The following UBA2 variants were observed in gnomAD, a reference collection of about 807,000 sequenced individuals.
UBA2 encodes SUMO-activating enzyme subunit 2.
UBA2 carries 11 observed loss-of-function variants against 77.2 expected under a neutral mutation model. The ratio of observed to expected loss-of-function variants is 0.14; its 90% CI spans 0.09 to 0.24. The LOEUF (loss-of-function observed/expected upper bound fraction) is 0.24, where lower values mean the gene tolerates loss of function less well. UBA2 is among the 10% of genes least tolerant of loss of function. The pLI, the probability that UBA2 is intolerant of heterozygous loss-of-function variation, is 1.00. For synonymous variants in UBA2, 278 were observed against 276.7 expected (o/e 1.00, Z -0.05); for missense variants, 487 against 781.7 (o/e 0.62, Z 4.50).
chr19:34,433,303 G>A lies in UBA2; in HGVS notation c.294-45G>A, dbSNP rs763663684. 6 of 1,346,484 alleles carry A rather than the reference G, an allele frequency of 4.5e-6. No homozygotes were observed. In the African/African-American group the frequency reaches 8.7e-5, roughly 20 times the overall value. 83.4% of individuals were successfully genotyped at this position (1,346,484 alleles called of 1,614,324 possible). A position where few individuals can be genotyped will look rare whatever the true frequency, so the allele number is the denominator to read the frequency against. On this transcript the variant is annotated intron_variant, in intron 3 of 16. Coordinates refer to ENST00000246548, the MANE Select transcript of UBA2 (RefSeq NM_005499.3). ...GTTTATTATACTGCAAAGATCATGT[G>A]GAAGGCTAGTTATTTTGGTGACCTT...
intron 3 of UBA2, among the ~76,000 whole-genome samples, chr19:34,432,567 T>TG (rs200763069): frequency 0.02 from 3,074 of 152,006 alleles, 56 homozygotes; most frequent in Admixed American, 0.039. Flanking sequence ...TGTGTTTTTT[T>TG]TGTGTGTGAG....
chr19:34,464,938 C>T (rs191370676), intron 15 of UBA2, among the ~76,000 whole-genome samples: 3 of 152,006 alleles, frequency 2.0e-5, no homozygotes, highest in Non-Finnish European at 2.9e-5. Context: ...CTGGTGGTGG[C>T]GCATGCCTGT....
chr19:34,464,040 A>G lies in UBA2; in HGVS notation c.1513A>G (p.Lys505Glu). Residue 505 changes from lysine to glutamate, a missense_variant, in exon 15 of 17, where the codon AAG becomes GAG. Transcript: ENST00000246548. The stretch of plus-strand genomic sequence containing the variant: ...ACGTTTCCTAGCTAATAATCACAAG[A>G]AGTTGTCAGAATTTGGAATTAGAAA... ...EGETEANNHK[K>E]LSEFGIRNGS... 6.2e-7 allele frequency: 1 copy of G among 1,612,588 alleles called. No homozygotes were observed. Among genetic ancestry groups the G allele is most frequent in the Non-Finnish European group, 8.5e-7 (1 of 1,178,632 alleles).
intron 5 of UBA2, 91 bp from the exon 6 acceptor site, chr19:34,438,554 G>T: frequency 6.8e-7 from 1 of 1,462,498 alleles, no homozygotes. Context: ...AAACGTAGTT[G>T]GAATATAGAT....
chr19:34,439,747 G>A (rs1001691904), intron 6 of UBA2, among the ~76,000 whole-genome samples: 1 of 152,116 alleles, frequency 6.6e-6, no homozygotes, highest in African/African-American at 2.4e-5. Context: ...TTGAGCCTGG[G>A]AGGTTGAGGC....
intron 14 of UBA2, among the ~76,000 whole-genome samples, chr19:34,461,320 C>T (rs748087413): frequency 9.2e-5 from 14 of 152,138 alleles, no homozygotes; most frequent in Non-Finnish European, 1.6e-4. Context: ...GTCCTGATGG[C>T]GATTCAGATG....
At chr19:34,439,091 C>T (rs950145003) in intron 6 of UBA2, among the ~76,000 whole-genome samples, 11 of 151,868 alleles carry the variant, frequency 7.2e-5, no homozygotes, top group Admixed American at 5.9e-4. Context: ...GCCTGTAATC[C>T]CAGCTACTCG....
chr19:34,450,742 C>CTTTTTTTTTTTTTTTTT (rs59580124), intron 9 of UBA2, among the ~76,000 whole-genome samples: 5 of 83,430 alleles, frequency 6.0e-5, no homozygotes, highest in Non-Finnish European at 1.1e-4. Context: ...TTATGTATAT[C>CTTTTTTTTTTTTTTTTT]TTTTTTTTTT....
chr19:34,433,293 A>G lies in UBA2; in HGVS notation c.294-55A>G, dbSNP rs903729814. The G allele has an allele frequency of 2.4e-6, 3 of 1,255,984 alleles. No individual in the cohort carries two copies. The South Asian group carries it at 3.7e-5, about 16-fold the overall frequency. The allele number at this position is 1,255,984 out of a possible 1,614,324, so 77.8% of individuals were successfully genotyped here. On this transcript the variant is annotated intron_variant, in intron 3 of 16. Coordinates refer to ENST00000246548, the MANE Select transcript of UBA2 (RefSeq NM_005499.3). ...TTTCAGAACTGTTTATTATACTGCA[A>G]AGATCATGTGGAAGGCTAGTTATTT...
intron 5 of UBA2, among the ~76,000 whole-genome samples, chr19:34,437,243 T>A (rs1370281555): frequency 6.6e-6 from 1 of 150,392 alleles, no homozygotes; most frequent in African/African-American, 2.4e-5. Flanking sequence ...ATTACAGGTA[T>A]GAGCCACCAC....
intron 6 of UBA2, among the ~76,000 whole-genome samples, 156 bp downstream of exon 6, chr19:34,438,922 T>C (rs2075338284): frequency 6.6e-6 from 1 of 152,140 alleles, no homozygotes; most frequent in African/African-American, 2.4e-5. Context: ...AGGTTAAATG[T>C]AGCTGGCCGG....
In UBA2 at chr19:34,470,788, C is replaced by T. The variant is rs1462130325; in HGVS notation, c.*1567C>T. The T allele has an allele frequency of 6.6e-6, 1 of 152,316 alleles. No homozygotes were observed. Among genetic ancestry groups the T allele is most frequent in the Non-Finnish European group, 1.5e-5 (1 of 68,128 alleles). 9.4% of individuals were successfully genotyped at this position (152,316 alleles called of 1,614,324 possible). On this transcript the variant is annotated 3_prime_UTR_variant, in exon 17 of 17. Coordinates refer to ENST00000246548, the MANE Select transcript of UBA2 (RefSeq NM_005499.3). ...CCACCTGCCTCAGCCTCCCAAAGTG[C>T]TGGGATTACAGGCGTGAGCCACTGC...
At chr19:34,435,263 T>G (rs936294787) in intron 5 of UBA2, among the ~76,000 whole-genome samples, 1 of 152,016 alleles carries the variant, frequency 6.6e-6, no homozygotes, top group African/African-American at 2.4e-5. Context: ...CTGGACATGG[T>G]GGCCGGCGCC....
chr19:34,455,784 C>T (rs976017575), intron 12 of UBA2, among the ~76,000 whole-genome samples: 7 of 152,074 alleles, frequency 4.6e-5, no homozygotes, highest in Admixed American at 2.6e-4. Flanking sequence ...GCTAGGATTA[C>T]AGGTGCATGC....
Position 34,452,043 on chromosome 19 carries a change from G to C in UBA2, c.934G>C (p.Val312Leu), listed in dbSNP as rs973874041. The change falls in exon 10 of 17, where the codon GTT (valine) becomes CTT (leucine). Residue 312 changes from valine (V) to leucine (L), a missense_variant. By Grantham distance (32) the Val-to-Leu change is conservative. This residue lies in a region of UBA2 where 300 missense variants were observed against 454.3 expected (regional missense o/e 0.66). Transcript: ENST00000246548. ...EPQLGLKDQQ[V>L]LDVKSYARLF... is the part of the protein sequence containing the mutation. ...CCAGTTAGGCCTGAAAGACCAGCAG[G>C]TTCTAGATGTAAAGAGCTATGCACG... The C allele has an allele frequency of 6.2e-7, 1 of 1,610,496 alleles. No homozygotes were observed. Among genetic ancestry groups the C allele is most frequent in the African/African-American group, 1.3e-5 (1 of 74,854 alleles).
intron 6 of UBA2, among the ~76,000 whole-genome samples, chr19:34,441,913 T>C (rs8106423): frequency 0.1 from 14,251 of 141,206 alleles, 1,124 homozygotes; most frequent in African/African-American, 0.22. Context: ...AGAGCGAGAC[T>C]GTGTCTCAGA....
Position 34,430,790 on chromosome 19 carries a change from A to T in UBA2, c.222+131A>T, listed in dbSNP as rs569282954. 107 of 658,346 alleles carry T rather than the reference A, an allele frequency of 1.6e-4. 1 individual carries two copies. The Middle Eastern group carries it at 2.0e-3, about 12-fold the overall frequency. The allele number at this position is 658,346 out of a possible 1,614,324, so 40.8% of individuals were successfully genotyped here. A position where few individuals can be genotyped will look rare whatever the true frequency, so the allele number is the denominator to read the frequency against. On this transcript the variant is annotated intron_variant, in intron 2 of 16. Transcript: ENST00000246548. ...CATTTCAGCTGAGAGATTGTGAAGG[A>T]TAAAGATATATCAAGTAAAGGACTA...
At chr19:34,453,136 A>T (rs529310976) in intron 10 of UBA2, among the ~76,000 whole-genome samples, 14 of 152,310 alleles carry the variant, frequency 9.2e-5, no homozygotes, top group African/African-American at 3.4e-4. Context: ...TCCTCACCAC[A>T]CCTTATGAGA....
chr19:34,447,359 A>G (rs1334944934), intron 8 of UBA2, among the ~76,000 whole-genome samples: 2 of 152,196 alleles, frequency 1.3e-5, no homozygotes, highest in African/African-American at 2.4e-5. Flanking sequence ...ACCCAAGACC[A>G]GTACTTTGCA....
Sources: gnomAD v4.1 joint callset for allele counts (sites outside exome capture counted in the v4.1 genomes callset) on GRCh38, gnomAD v4.1.1 for gene constraint, gnomAD v4.1.1 regional missense constraint, MANE v1.5 for transcripts, NCBI Gene and HGNC (gene_info 2026-07-23, HGNC 2026-07-21) for gene names.